Variants in FGF13 observed in about 807,000 individuals in gnomAD.
FGF13 encodes the protein fibroblast growth factor homologous factor 2.
In FGF13, 2 loss-of-function variants were observed where a neutral mutation model predicts 19.5. The ratio of observed to expected loss-of-function variants is 0.10; its 90% confidence interval spans 0.04 to 0.32. The LOEUF (loss-of-function observed/expected upper bound fraction) is 0.32. FGF13 is among the 10% of genes least tolerant of loss of function. The pLI is 1.00. For synonymous variants in FGF13, 72 were observed against 76.9 expected (o/e 0.94, Z 0.33); for missense variants, 113 against 192.7 (o/e 0.59, Z 2.45).
chrX:139,138,991 G>A (rs1396365877), intron 1 of FGF13, among the ~76,000 whole-genome samples: 1 of 102,983 alleles, frequency 9.7e-6, no homozygotes, highest in Non-Finnish European at 2.0e-5. Flanking sequence ...GTGCAGTGGT[G>A]CAATGTCGGC....
chrX:138,763,572 T>C (rs2090482599), intron 3 of FGF13, among the ~76,000 whole-genome samples: 1 of 112,281 alleles, frequency 8.9e-6, no homozygotes, highest in African/African-American at 3.2e-5. Context: ...GGATTGAGTG[T>C]TCTGGTAACA....
At chrX:138,999,770 G>A (rs2092063335) in intron 1 of FGF13, among the ~76,000 whole-genome samples, 1 of 111,790 alleles carries the variant, frequency 8.9e-6, no homozygotes, top group East Asian at 2.8e-4. Context: ...AAGAGGAGCT[G>A]GTACCATTCC....
intron 3 of FGF13, among the ~76,000 whole-genome samples, chrX:138,811,949 T>A (rs777991107): frequency 2.3e-4 from 26 of 110,964 alleles, no homozygotes; most frequent in African/African-American, 7.9e-4. Flanking sequence ...ACTTTCTTTT[T>A]TTTTTTTACA....
chrX:138,877,243 A>T (rs2091395557), intron 1 of FGF13, among the ~76,000 whole-genome samples: 2 of 110,780 alleles, frequency 1.8e-5, no homozygotes, highest in African/African-American at 6.6e-5. Context: ...TTTTTTAAGA[A>T]GAAATGAAGA....
At chrX:139,054,903 T>TGTTGC in intron 1 of FGF13, among the ~76,000 whole-genome samples, 1 of 88,198 alleles carries the variant, frequency 1.1e-5, no homozygotes, top group East Asian at 3.8e-4. Context: ...TGTTGTGTTG[T>TGTTGC]ATTGTATTGT....
chrX:138,971,683 A>G (rs187805258), intron 1 of FGF13, among the ~76,000 whole-genome samples: 20 of 111,951 alleles, frequency 1.8e-4, no homozygotes, highest in African/African-American at 5.8e-4. Flanking sequence ...ATCAGGGTCA[A>G]TAGTATGTTC....
At chrX:139,054,420 G>A (rs955233084) in intron 1 of FGF13, among the ~76,000 whole-genome samples, 1 of 111,314 alleles carries the variant, frequency 9.0e-6, no homozygotes, top group South Asian at 3.8e-4. Flanking sequence ...ACCGCGCCCG[G>A]CTGGTCTACA....
chrX:138,867,761 CA>C (rs2091335140), intron 1 of FGF13, among the ~76,000 whole-genome samples: 1 of 109,216 alleles, frequency 9.2e-6, no homozygotes, highest in Non-Finnish European at 1.9e-5. Context: ...GGAACACAGC[CA>C]AACCGTATCA....
intron 1 of FGF13, among the ~76,000 whole-genome samples, chrX:138,962,052 T>C (rs1032442766): frequency 1.4e-4 from 16 of 111,762 alleles, no homozygotes; most frequent in South Asian, 1.1e-3. Context: ...TCAGAGTGAA[T>C]AGGCAACCAA....
intron 1 of FGF13, among the ~76,000 whole-genome samples, chrX:138,877,386 G>A (rs935692397): frequency 2.7e-5 from 3 of 111,962 alleles, no homozygotes. Context: ...TTTAAATAAT[G>A]AAACCACTTT....
chrX:138,786,875 T>A (rs2090697003), intron 3 of FGF13, among the ~76,000 whole-genome samples: 3 of 112,324 alleles, frequency 2.7e-5, no homozygotes, highest in Admixed American at 9.5e-5. Context: ...ATATCACCAG[T>A]TCTATTAGCA....
intron 3 of FGF13, among the ~76,000 whole-genome samples, chrX:138,798,046 C>T (rs1028385452): frequency 9.0e-6 from 1 of 111,632 alleles, no homozygotes; most frequent in Non-Finnish European, 1.9e-5. Context: ...AATTTGAGTA[C>T]ACTTTATTTC....
intron 1 of FGF13, among the ~76,000 whole-genome samples, chrX:138,971,158 T>A (rs1283714506): frequency 9.0e-6 from 1 of 111,296 alleles, no homozygotes; most frequent in Non-Finnish European, 1.9e-5. Context: ...GGGCCTGGAG[T>A]CAAAAATAGA....
intron 3 of FGF13, among the ~76,000 whole-genome samples, chrX:138,665,996 C>T (rs957094689): frequency 4.5e-5 from 5 of 111,235 alleles, no homozygotes; most frequent in African/African-American, 1.3e-4. Flanking sequence ...GAAACCATTC[C>T]CAGTGTTTTC....
chrX:139,126,248 G>A (rs769973938), intron 1 of FGF13, among the ~76,000 whole-genome samples: 21 of 111,155 alleles, frequency 1.9e-4, no homozygotes, highest in African/African-American at 6.5e-4. Context: ...CCCATAGAAC[G>A]TCCTCCCCTT....
intron 3 of FGF13, among the ~76,000 whole-genome samples, chrX:138,672,243 G>C (rs1046963359): frequency 1.8e-5 from 2 of 111,308 alleles, no homozygotes; most frequent in Non-Finnish European, 3.8e-5. Context: ...CACATTATCT[G>C]ACTTACTATG....
At chrX:139,096,463 T>TTG (rs2083470964) in intron 1 of FGF13, among the ~76,000 whole-genome samples, 1 of 111,787 alleles carries the variant, frequency 8.9e-6, no homozygotes, top group African/African-American at 3.3e-5. Context: ...TACACTAGTT[T>TTG]TGTGTGGCTG....
At chrX:139,061,497 A>T (rs1253935731) in intron 1 of FGF13, among the ~76,000 whole-genome samples, 1 of 111,219 alleles carries the variant, frequency 9.0e-6, no homozygotes, top group Non-Finnish European at 1.9e-5. Flanking sequence ...TCTCACATGC[A>T]CTCCACCATG....
intron 1 of FGF13, among the ~76,000 whole-genome samples, chrX:139,190,814 C>A (rs1041289439): frequency 7.2e-5 from 8 of 111,792 alleles, no homozygotes; most frequent in African/African-American, 2.6e-4. Flanking sequence ...AGAAGCAAGA[C>A]AGCCACTCTG....
Sources: gnomAD v4.1 joint callset for allele counts (sites outside exome capture counted in the v4.1 genomes callset) on GRCh38, gnomAD v4.1.1 for gene constraint, MANE v1.5 for transcripts, NCBI Gene and HGNC (gene_info 2026-07-23, HGNC 2026-07-21) for gene names.